The following PEBP4 variants were observed in gnomAD, a reference collection of about 807,000 sequenced individuals.
PEBP4 encodes phosphatidylethanolamine-binding protein 4.
PEBP4 carries 22 observed loss-of-function variants against 23.9 expected under a neutral mutation model. The observed-to-expected ratio is 0.92, with a 90% confidence interval of 0.66 to 1.31. PEBP4 has a LOEUF of 1.31. Ranked by LOEUF, PEBP4 falls within the 40% of genes most tolerant of loss-of-function variation. The probability of loss-of-function intolerance (pLI) is 0.00; values close to 1 mark genes in which losing one functional copy is unlikely to be tolerated. For synonymous variants in PEBP4, 112 were observed against 99.3 expected, an observed-to-expected ratio of 1.13 and a Z score of -0.76; for missense variants, 324 against 281.7, an observed-to-expected ratio of 1.15 and a Z score of -1.07.
In PEBP4 at chr8:22,792,007, C is replaced by A. The variant is rs186252116; in HGVS notation, c.357+25630G>T. ...GAGTAGCTGGGACTACAGGCACACA[C>A]CACCACGCCTGGCTAAGAACTTTTT... is the stretch of plus-strand genomic sequence containing the variant. On this transcript the variant is annotated intron_variant, in intron 4 of 6. Transcript: ENST00000256404. 3.4e-4 allele frequency among the ~76,000 whole-genome samples: 52 copies of A among 151,336 alleles called. 1 individual carries two copies. In the East Asian group the frequency reaches 5.1e-3, roughly 15 times the overall value.
At chr8:22,901,707 C>A (rs754877022) in intron 3 of PEBP4, among the ~76,000 whole-genome samples, 1 of 152,168 alleles carries the variant, frequency 6.6e-6, no homozygotes, top group Non-Finnish European at 1.5e-5. Flanking sequence ...GCTGACAGAA[C>A]CCTGGTGAGA....
At chr8:22,817,408 A>G (rs1393608835) in intron 4 of PEBP4, among the ~76,000 whole-genome samples, 1 of 151,652 alleles carries the variant, frequency 6.6e-6, no homozygotes, top group African/African-American at 2.4e-5. Flanking sequence ...AGAAATCAGG[A>G]CTCTCCCCAC....
intron 3 of PEBP4, among the ~76,000 whole-genome samples, chr8:22,833,146 T>A (rs956460485): frequency 6.6e-6 from 1 of 152,182 alleles, no homozygotes; most frequent in Non-Finnish European, 1.5e-5. Flanking sequence ...GTGCCTCCTG[T>A]TTCTAGATAT....
chr8:22,873,574 G>T (rs1222287304), intron 3 of PEBP4, among the ~76,000 whole-genome samples: 1 of 152,210 alleles, frequency 6.6e-6, no homozygotes, highest in Non-Finnish European at 1.5e-5. Flanking sequence ...CAAGGCTGCA[G>T]TGAGCCGTGA....
intron 3 of PEBP4, among the ~76,000 whole-genome samples, chr8:22,888,890 C>T (rs778624985): frequency 2.6e-5 from 4 of 152,224 alleles, no homozygotes; most frequent in African/African-American, 4.8e-5. Context: ...CCCATCTCTC[C>T]GCTTTCCTGG....
At chr8:22,893,198 A>G (rs974029629) in intron 3 of PEBP4, among the ~76,000 whole-genome samples, 1 of 152,230 alleles carries the variant, frequency 6.6e-6, no homozygotes, top group Non-Finnish European at 1.5e-5. Flanking sequence ...CTGGGGCAGC[A>G]GGGAGAGTAT....
chr8:22,793,433 A>ATTTTTTT (rs11315221), intron 4 of PEBP4, among the ~76,000 whole-genome samples: 4 of 120,342 alleles, frequency 3.3e-5, no homozygotes, highest in Non-Finnish European at 5.2e-5. Flanking sequence ...CGCCCAGCTC[A>ATTTTTTT]TTTTTTTTTT....
chr8:22,746,289 C>G (rs7834345), intron 4 of PEBP4, among the ~76,000 whole-genome samples: 70,014 of 151,872 alleles, frequency 0.46, 16,598 homozygotes, highest in East Asian at 0.81. Flanking sequence ...TTAGAGAGAG[C>G]TCTGGGTACA....
intron 6 of PEBP4, among the ~76,000 whole-genome samples, chr8:22,723,409 C>T (rs1256641842): frequency 6.6e-6 from 1 of 152,148 alleles, no homozygotes; most frequent in African/African-American, 2.4e-5. Context: ...TCTCCCGATG[C>T]TCTATCCTTC....
chr8:22,922,267 G>A (rs1809219158), intron 2 of PEBP4, among the ~76,000 whole-genome samples: 1 of 152,110 alleles, frequency 6.6e-6, no homozygotes, highest in Non-Finnish European at 1.5e-5. Flanking sequence ...AGCTGCTTTA[G>A]CAAAGTCTTG....
At chr8:22,866,528 G>A (rs907123279) in intron 3 of PEBP4, among the ~76,000 whole-genome samples, 2 of 152,122 alleles carry the variant, frequency 1.3e-5, no homozygotes, top group Non-Finnish European at 2.9e-5. Flanking sequence ...CAATATTGTA[G>A]TGGTGCCACC....
chr8:22,924,920 C>T, intron 2 of PEBP4: 1 of 985,362 alleles, frequency 1.0e-6, no homozygotes, highest in South Asian at 4.7e-5. Context: ...AAATTCCTCC[C>T]TTATAGATTA....
intron 3 of PEBP4, among the ~76,000 whole-genome samples, chr8:22,889,269 G>A (rs1325542528): frequency 6.6e-6 from 1 of 152,208 alleles, no homozygotes; most frequent in African/African-American, 2.4e-5. Context: ...TTTGGAGCTG[G>A]GAAAAGGAGG....
At chr8:22,830,821 T>G (rs1316080498) in intron 3 of PEBP4, among the ~76,000 whole-genome samples, 1 of 152,164 alleles carries the variant, frequency 6.6e-6, no homozygotes, top group Non-Finnish European at 1.5e-5. Flanking sequence ...CCATCTTTTG[T>G]CTTGGCTACT....
chr8:22,733,518 T>C (rs1804783044), intron 4 of PEBP4, among the ~76,000 whole-genome samples: 1 of 152,056 alleles, frequency 6.6e-6, no homozygotes, highest in South Asian at 2.1e-4. Flanking sequence ...GCAGGGATGC[T>C]GGCCCAGTTC....
chr8:22,923,250 G>A (rs1809250584), intron 2 of PEBP4, among the ~76,000 whole-genome samples: 2 of 152,154 alleles, frequency 1.3e-5, no homozygotes, highest in South Asian at 2.1e-4. Context: ...AGGTGGTCAT[G>A]TGGGTCTCTG....
chr8:22,896,535 C>T (rs1181970337), intron 3 of PEBP4, among the ~76,000 whole-genome samples: 1 of 152,144 alleles, frequency 6.6e-6, no homozygotes, highest in Non-Finnish European at 1.5e-5. Flanking sequence ...TTTTGTGTTT[C>T]TGATTCAGCA....
chr8:22,934,631 G>C (rs1410027615), intron 1 of PEBP4, among the ~76,000 whole-genome samples: 1 of 152,152 alleles, frequency 6.6e-6, no homozygotes, highest in East Asian at 1.9e-4. Flanking sequence ...GAGCCTAGGA[G>C]TTTGAGGCCA....
At chr8:22,748,567 T>C (rs1805179140) in intron 4 of PEBP4, among the ~76,000 whole-genome samples, 1 of 151,758 alleles carries the variant, frequency 6.6e-6, no homozygotes, top group African/African-American at 2.4e-5. Flanking sequence ...CTCCCCAGCA[T>C]TCTTCTGTAC....
Sources: gnomAD v4.1 joint callset for allele counts (sites outside exome capture counted in the v4.1 genomes callset) on GRCh38, gnomAD v4.1.1 for gene constraint, MANE v1.5 for transcripts, NCBI Gene and HGNC (gene_info 2026-07-23, HGNC 2026-07-21) for gene names.